Variants in VGLL4 observed in about 807,000 individuals in gnomAD.
VGLL4 encodes the protein transcription cofactor vestigial-like protein 4.
Under a neutral mutation model 21.0 loss-of-function variants are expected in VGLL4, and 7 were observed. The observed-to-expected ratio is 0.33, with a 90% CI of 0.19 to 0.63. The LOEUF is 0.63. VGLL4 is among the 20% of genes least tolerant of loss of function. VGLL4 has a pLI of 0.78. For missense variants in VGLL4, 394 were observed against 425.7 expected (o/e 0.93, Z 0.66); for synonymous variants, 222 against 173.2 (o/e 1.28, Z -2.21).
chr3:11,709,209 G>A (rs780428005), intron 1 of VGLL4, among the ~76,000 whole-genome samples: 111 of 152,084 alleles, frequency 7.3e-4, no homozygotes, highest in Non-Finnish European at 1.1e-3. Context: ...AGGCCAAGGT[G>A]GGCGGATCAC....
At chr3:11,622,199 C>T (rs2075276715) in intron 1 of VGLL4, among the ~76,000 whole-genome samples, 2 of 152,194 alleles carry the variant, frequency 1.3e-5, no homozygotes, top group South Asian at 2.1e-4. Context: ...ACAAAGCTTA[C>T]GAATTTGATT....
At chr3:11,663,804 C>A (rs2076070099) in intron 2 of VGLL4, among the ~76,000 whole-genome samples, 1 of 152,170 alleles carries the variant, frequency 6.6e-6, no homozygotes, top group Non-Finnish European at 1.5e-5. Context: ...TACATACTTT[C>A]TTTACATATC....
intron 1 of VGLL4, among the ~76,000 whole-genome samples, chr3:11,715,321 T>G (rs2076905203): frequency 6.6e-6 from 1 of 152,052 alleles, no homozygotes; most frequent in Admixed American, 6.6e-5. Flanking sequence ...TTACCATCAG[T>G]AAATATTATT....
rs1559932585 is a variant in VGLL4, at chr3:11,665,104, T to TTTC, written c.64+37866_64+37867insGAA. Among the ~76,000 whole-genome samples the TTTC allele has an allele frequency of 2.4e-4, 11 of 45,666 alleles. 2 individuals carry two copies. The highest frequency in any genetic ancestry group is 4.2e-4 in the Non-Finnish European group (8 of 19,032). 30.0% of individuals were successfully genotyped at this position (45,666 alleles called of 152,430 possible). A position where few individuals can be genotyped will look rare whatever the true frequency, so the allele number is the denominator to read the frequency against. ...TGAAAGCAATTTGAATATTTTTCTT[T>TTTC]TTTTTTTTTTTTTTTTTTTTTTTTT... On this transcript the variant is annotated intron_variant, in intron 2 of 5. Transcript: ENST00000273038.
At chr3:11,559,788 G>A (rs932106149) in intron 3 of VGLL4, among the ~76,000 whole-genome samples, 1 of 152,174 alleles carries the variant, frequency 6.6e-6, no homozygotes, top group African/African-American at 2.4e-5. Flanking sequence ...AGGGTTGCAG[G>A]AGGGACCTCG....
At chr3:11,590,489 T>G (rs1417610422) in intron 2 of VGLL4, among the ~76,000 whole-genome samples, 1 of 152,156 alleles carries the variant, frequency 6.6e-6, no homozygotes, top group Admixed American at 6.5e-5. Flanking sequence ...AACAGTTGCT[T>G]CCTTCTATTC....
chr3:11,652,493 C>G (rs965207621), intron 2 of VGLL4, among the ~76,000 whole-genome samples: 3 of 152,100 alleles, frequency 2.0e-5, no homozygotes, highest in African/African-American at 7.2e-5. Flanking sequence ...GATGTCTGCT[C>G]ACTGGCAACT....
Position 11,720,123 on chromosome 3 carries a change from C to G in VGLL4, c.-14+271G>C, listed in dbSNP as rs568784800. On this transcript the variant is annotated intron_variant, in intron 1 of 5. Transcript: ENST00000273038. ...CCGACGTTCACAGTCCAACCAGACC[C>G]GTCCCGCGGACCTGCTGCCCTTCCC... Among the ~76,000 whole-genome samples the G allele has an allele frequency of 2.4e-4, 36 of 152,248 alleles. No homozygotes were observed. The South Asian group carries it at 3.5e-3, about 15-fold the overall frequency.
In VGLL4 at chr3:11,639,383, A is replaced by C. The variant is rs80331118; in HGVS notation, c.82+4054T>G. Reference sequence around the variant, plus strand: ...AGAGCACCTTCCAGCGAGGCCGGTCACTCAGAGGTGTCTCACCTACCCTTT... The same window carrying C: ...AGAGCACCTTCCAGCGAGGCCGGTCCCTCAGAGGTGTCTCACCTACCCTTT... On this transcript the variant is annotated intron_variant, in intron 1 of 4. Transcript: ENST00000430365. Among the ~76,000 whole-genome samples, 1,370 of 152,354 alleles carry C rather than the reference A, an allele frequency of 9.0e-3. 45 individuals are homozygous for C. The East Asian group carries it at 0.097, about 11-fold the overall frequency.
intron 2 of VGLL4, among the ~76,000 whole-genome samples, chr3:11,661,053 C>A (rs1366691214): frequency 1.3e-5 from 2 of 152,162 alleles, no homozygotes; most frequent in Non-Finnish European, 2.9e-5. Flanking sequence ...CTGAACACTA[C>A]CCTGCTAGTT....
At chr3:11,577,129 G>C (rs2074076141) in intron 2 of VGLL4, among the ~76,000 whole-genome samples, 3 of 152,342 alleles carry the variant, frequency 2.0e-5, no homozygotes, top group Admixed American at 6.5e-5. Flanking sequence ...AACCCAAGGA[G>C]AACAGCCCTG....
chr3:11,596,630 G>A (rs1455678355), intron 2 of VGLL4, among the ~76,000 whole-genome samples: 2 of 152,180 alleles, frequency 1.3e-5, no homozygotes, highest in Non-Finnish European at 2.9e-5. Context: ...AAACAGCACT[G>A]TTCAATAGAA....
At chr3:11,628,512 A>G (rs1170482344) in intron 1 of VGLL4, among the ~76,000 whole-genome samples, 2 of 152,250 alleles carry the variant, frequency 1.3e-5, no homozygotes, top group Non-Finnish European at 2.9e-5. Flanking sequence ...TGAAAAATTA[A>G]TAAGCATTTA....
chr3:11,644,902 G>A (rs1353992029), upstream of VGLL4, among the ~76,000 whole-genome samples: 1 of 151,258 alleles, frequency 6.6e-6, no homozygotes, highest in Non-Finnish European at 1.5e-5. Flanking sequence ...AGAAGAGATG[G>A]AAGAGTGTTT....
rs868751924 is a variant in VGLL4 at position 11,558,676 on chromosome 3, C to T, written c.771G>A (p.Gln257=). 5.0e-6 allele frequency: 8 copies of T among 1,613,714 alleles called. No homozygotes were observed. The Middle Eastern group carries it at 8.2e-4, about 166-fold the overall frequency. ...FAKALGDTWL[Q]IKAAKDGASS... Reference sequence around the variant, plus strand: ...ATGCTCCGTCCTTGGCCGCTTTGATCTGGAGCCACGTGTCACCCAGAGCTT... The same window carrying T: ...ATGCTCCGTCCTTGGCCGCTTTGATTTGGAGCCACGTGTCACCCAGAGCTT... Residue 257 remains glutamine, a synonymous_variant, in exon 5 of 5, where the codon CAG becomes CAA. Transcript: ENST00000430365.
intron 1 of VGLL4, among the ~76,000 whole-genome samples, chr3:11,714,621 T>A (rs574101838): frequency 6.6e-6 from 1 of 151,658 alleles, no homozygotes. Flanking sequence ...TTTTAGGATA[T>A]TATGAATCTC....
intron 1 of VGLL4, among the ~76,000 whole-genome samples, chr3:11,642,968 C>G (rs1173818391): frequency 6.6e-6 from 1 of 152,118 alleles, no homozygotes; most frequent in Non-Finnish European, 1.5e-5. Flanking sequence ...GACGCTCACT[C>G]GCGAGCACAA....
chr3:11,639,906 T>C (rs1322047828), intron 1 of VGLL4, among the ~76,000 whole-genome samples: 1 of 151,892 alleles, frequency 6.6e-6, no homozygotes, highest in Non-Finnish European at 1.5e-5. Flanking sequence ...GAAATAATTC[T>C]GGAGAGGCAG....
At chr3:11,713,287 C>G (rs1389253601) in intron 1 of VGLL4, among the ~76,000 whole-genome samples, 3 of 152,100 alleles carry the variant, frequency 2.0e-5, no homozygotes, top group Non-Finnish European at 4.4e-5. Context: ...AATATTCTCT[C>G]AATAGTCATA....
Sources: gnomAD v4.1 joint callset for allele counts (sites outside exome capture counted in the v4.1 genomes callset) on GRCh38, gnomAD v4.1.1 for gene constraint, MANE v1.5 for transcripts, NCBI Gene and HGNC (gene_info 2026-07-23, HGNC 2026-07-21) for gene names.